Variants in DAB1 observed in about 807,000 individuals in gnomAD.
DAB1 encodes disabled homolog 1.
A neutral mutation model predicts 64.6 loss-of-function variants in DAB1; 15 were observed. That is an observed-to-expected ratio of 0.23 (90% CI 0.16 to 0.36). DAB1 has a LOEUF of 0.36. Ranked by LOEUF, DAB1 falls within the 10% of genes least tolerant of loss-of-function variation. The pLI, the probability that DAB1 is intolerant of heterozygous loss-of-function variation, is 1.00. For missense variants in DAB1, 596 were observed against 706.7 expected, an observed-to-expected ratio of 0.84 and a Z score of 1.78; for synonymous variants, 235 against 251.9, an observed-to-expected ratio of 0.93 and a Z score of 0.64.
At chr1:57,956,685 G>A (rs529410434) in intron 5 of DAB1, among the ~76,000 whole-genome samples, 9 of 152,280 alleles carry the variant, frequency 5.9e-5, no homozygotes, top group South Asian at 2.1e-4. Context: ...TCATTCCGAC[G>A]GAGTTCGACC....
At chr1:58,050,663 G>A (rs1018600484) in intron 5 of DAB1, among the ~76,000 whole-genome samples, 2 of 152,082 alleles carry the variant, frequency 1.3e-5, no homozygotes, top group East Asian at 3.9e-4. Context: ...CCGAGCAGCT[G>A]GGACTACAGG....
chr1:58,412,896 T>A (rs570667146), intron 3 of DAB1, among the ~76,000 whole-genome samples: 1 of 152,226 alleles, frequency 6.6e-6, no homozygotes, highest in Admixed American at 6.5e-5. Flanking sequence ...AAAGTCATTT[T>A]AGGCTGGAAT....
intron 1 of DAB1, among the ~76,000 whole-genome samples, chr1:57,336,142 CTT>C (rs966867709): frequency 3.4e-4 from 52 of 152,278 alleles, no homozygotes; most frequent in African/African-American, 1.2e-3. Flanking sequence ...GAAATTTCCC[CTT>C]GTTATTTTTT....
At chr1:57,818,790 A>ATG (rs1229634849) in intron 6 of DAB1, among the ~76,000 whole-genome samples, 48 of 150,562 alleles carry the variant, frequency 3.2e-4, no homozygotes, top group Admixed American at 6.6e-5. Context: ...TTTGTATATA[A>ATG]TGTGTGTGTA....
At position 57,769,120 on chromosome 1, in the gene DAB1, G is replaced by T. The variant is rs906593600; in HGVS notation, n.551+114879C>A. On this transcript the variant is annotated intron_variant and non_coding_transcript_variant, in intron 6 of 20. Coordinates refer to the DAB1 transcript ENST00000485760. ...GTCTCTTGCTCATAGCAGAGGGCCT[G>T]CTGCATGGTACATGCTCCGTGGGCT... Among the ~76,000 whole-genome samples, 21 of 152,130 alleles carry T rather than the reference G, an allele frequency of 1.4e-4. No homozygotes were observed. In the East Asian group the frequency reaches 3.7e-3, roughly 27 times the overall value.
At chr1:57,056,796 G>A (rs528491803) in intron 9 of DAB1, among the ~76,000 whole-genome samples, 216 of 152,082 alleles carry the variant, frequency 1.4e-3, no homozygotes, top group Non-Finnish European at 2.4e-3. Flanking sequence ...CCCAGGAAGC[G>A]GAGGCTGTAA....
chr1:57,987,847 G>T (rs1423544063), intron 5 of DAB1, among the ~76,000 whole-genome samples: 2 of 147,474 alleles, frequency 1.4e-5, no homozygotes, highest in African/African-American at 2.5e-5. Flanking sequence ...TGTTTTTTTT[G>T]TTTTTTTTTT....
chr1:57,074,922 C>T (rs542864590), intron 4 of DAB1, among the ~76,000 whole-genome samples: 6 of 152,174 alleles, frequency 3.9e-5, no homozygotes, highest in Non-Finnish European at 7.4e-5. Context: ...AGCTTTTTCA[C>T]GGTGTTAATG....
intron 7 of DAB1, among the ~76,000 whole-genome samples, chr1:57,434,462 A>G (rs929746227): frequency 5.3e-5 from 8 of 152,372 alleles, no homozygotes; most frequent in African/African-American, 1.7e-4. Context: ...GAAAGTTGGA[A>G]TATTAGTTGC....
chr1:57,207,446 C>CTTTTTTTTTTTTTTTTTTAT (rs772989513), intron 2 of DAB1, among the ~76,000 whole-genome samples: 1 of 98,460 alleles, frequency 1.0e-5, no homozygotes, highest in Non-Finnish European at 2.2e-5. Flanking sequence ...TATTTCCTTT[C>CTTTTTTTTTTTTTTTTTTAT]TTTTTTTTTT....
chr1:58,317,043 T>G (rs1662573788), intron 4 of DAB1, among the ~76,000 whole-genome samples: 1 of 152,260 alleles, frequency 6.6e-6, no homozygotes, highest in East Asian at 1.9e-4. Context: ...AATTCTTCTG[T>G]GCTTAGCAAT....
chr1:58,274,826 C>T (rs1178200647), intron 4 of DAB1, among the ~76,000 whole-genome samples: 61 of 152,268 alleles, frequency 4.0e-4, no homozygotes, highest in South Asian at 2.1e-4. Context: ...TGACCCCTCG[C>T]GCTTCCCAGG....
intron 7 of DAB1, among the ~76,000 whole-genome samples, chr1:57,615,922 G>A (rs1645786385): frequency 6.6e-6 from 1 of 152,172 alleles, no homozygotes; most frequent in Non-Finnish European, 1.5e-5. Context: ...ATAGCTGAGT[G>A]TGAGGGCCCC....
chr1:57,627,396 G>A (rs767099390), intron 7 of DAB1, among the ~76,000 whole-genome samples: 17 of 152,088 alleles, frequency 1.1e-4, no homozygotes, highest in Non-Finnish European at 2.5e-4. Context: ...TTTCTCTAGT[G>A]AACCCTCACT....
chr1:58,194,230 G>T (rs902889937), intron 4 of DAB1, among the ~76,000 whole-genome samples: 36 of 152,148 alleles, frequency 2.4e-4, no homozygotes, highest in Non-Finnish European at 2.4e-4. Context: ...ATTCAGCTAG[G>T]ACCTGAGTTC....
rs1364384219 is a variant in DAB1 at position 58,133,533 on chromosome 1, GTC to G, written n.387+16976_387+16977del. Among the ~76,000 whole-genome samples, 4 of 152,232 alleles carry G rather than the reference GTC, an allele frequency of 2.6e-5. No individual in the cohort carries two copies. The East Asian group carries it at 7.7e-4, about 29-fold the overall frequency. On this transcript the variant is annotated intron_variant and non_coding_transcript_variant, in intron 5 of 20. Coordinates refer to the DAB1 transcript ENST00000485760. ...TCCTTGGAGATGGGGACCCTGTCTT[GTC>G]TCTACCTGCCAACAGATTTCCAGGG...
intron 7 of DAB1, among the ~76,000 whole-genome samples, chr1:57,485,866 T>C (rs1644084152): frequency 6.6e-6 from 1 of 152,172 alleles, no homozygotes; most frequent in African/African-American, 2.4e-5. Flanking sequence ...CCATAAGAGA[T>C]GTTTCCATTG....
rs1440203644 is a variant in DAB1 at position 57,072,412 on chromosome 1, G to A, written c.309C>T (p.Ala103=). The A allele has an allele frequency of 1.2e-6, 2 of 1,611,162 alleles. No homozygotes were observed. Among genetic ancestry groups the A allele is most frequent in the Admixed American group, 1.7e-5 (1 of 59,654 alleles). ...CATGAACAGCATGATGATGCTGAAG[G>A]GCCTATCAGAGAAAAAAAAGGAAGA... ...GIKIFDEKTG[A]LQHHHAVHEI... is the part of the protein sequence containing the mutation. Residue 103 remains alanine, a splice_region_variant and synonymous_variant, in exon 5 of 15, where the codon GCC becomes GCT. Coordinates refer to ENST00000371236, the MANE Select transcript of DAB1 (RefSeq NM_001365792.1).
chr1:58,136,364 A>G (rs956601576), intron 5 of DAB1, among the ~76,000 whole-genome samples: 1 of 152,100 alleles, frequency 6.6e-6, no homozygotes, highest in Non-Finnish European at 1.5e-5. Context: ...AAGTATTTTC[A>G]TATGTCCCCC....
Sources: allele counts gnomAD v4.1 joint callset (sites outside exome capture counted in the v4.1 genomes callset), GRCh38; gene constraint gnomAD v4.1.1; transcripts MANE v1.5; gene names NCBI Gene and HGNC (gene_info 2026-07-23, HGNC 2026-07-21).